Variants in RGS7 observed in about 807,000 individuals in gnomAD.
The protein encoded by RGS7 is regulator of G-protein signaling 7.
Under a neutral mutation model 81.1 loss-of-function variants are expected in RGS7, and 27 were observed. That is an observed-to-expected ratio of 0.33 (90% CI 0.25 to 0.46). The LOEUF (loss-of-function observed/expected upper bound fraction) is 0.46, where lower values mean the gene tolerates loss of function less well. Among genes scored for constraint, RGS7 ranks in the 20% least tolerant of loss-of-function variants. RGS7 has a pLI of 1.00. For missense variants in RGS7, 396 were observed against 607.4 expected (o/e 0.65, Z 3.66); for synonymous variants, 208 against 207.7 (o/e 1.00, Z -0.01).
At chr1:241,146,379 AAG>A (rs1393358327) in intron 2 of RGS7, among the ~76,000 whole-genome samples, 1 of 152,176 alleles carries the variant, frequency 6.6e-6, no homozygotes, top group Non-Finnish European at 1.5e-5. Flanking sequence ...CGTTTTATAT[AAG>A]AGACTTGAGC....
intron 3 of RGS7, among the ~76,000 whole-genome samples, chr1:240,995,552 T>C (rs1049404055): frequency 5.3e-5 from 8 of 152,108 alleles, no homozygotes; most frequent in African/African-American, 1.4e-4. Flanking sequence ...ACAGGGTGAG[T>C]TGTAATAGTC....
intron 6 of RGS7, chr1:240,920,219 A>C: frequency 8.6e-7 from 1 of 1,164,296 alleles, no homozygotes; most frequent in South Asian, 1.2e-5. Context: ...CTAGTGCTTC[A>C]TGCAGCCAAA....
chr1:241,353,769 AT>A (rs1350696153), intron 2 of RGS7, among the ~76,000 whole-genome samples: 3 of 152,168 alleles, frequency 2.0e-5, no homozygotes, highest in Non-Finnish European at 4.4e-5. Flanking sequence ...TCTTCCTGAA[AT>A]CATTACAGTC....
intron 2 of RGS7, among the ~76,000 whole-genome samples, chr1:241,265,551 C>A (rs559959932): frequency 6.6e-6 from 1 of 152,260 alleles, no homozygotes; most frequent in African/African-American, 2.4e-5. Flanking sequence ...CCAGGCAAGA[C>A]GGCTGGGGCT....
intron 9 of RGS7, among the ~76,000 whole-genome samples, chr1:240,832,927 C>G (rs111300229): frequency 1.3e-5 from 2 of 152,120 alleles, no homozygotes; most frequent in Admixed American, 1.3e-4. Flanking sequence ...TGCCCACCCC[C>G]ACAAAAGAGA....
At chr1:240,858,463 G>A in intron 9 of RGS7, among the ~76,000 whole-genome samples, 1 of 152,148 alleles carries the variant, frequency 6.6e-6, no homozygotes, top group East Asian at 1.9e-4. Flanking sequence ...TGCAATTGTT[G>A]TTTTAATTTA....
rs1427401495 is a variant in RGS7, at chr1:240,936,798, A to G, written c.227-92T>C. On this transcript the variant is annotated intron_variant, in intron 4 of 18. Coordinates refer to ENST00000440928, the MANE Select transcript of RGS7 (RefSeq NM_001364886.1). The stretch of plus-strand genomic sequence containing the variant: ...ACGTTTTTGTGTGGTTCCTTTTGTC[A>G]GATACAGTAAGTTCCTCTTGAAAGA... 6.7e-6 allele frequency: 6 copies of G among 900,052 alleles called. No individual in the cohort carries two copies. The Admixed American group carries it at 7.8e-5, about 12-fold the overall frequency. The allele number at this position is 900,052 out of a possible 1,614,324, so 55.8% of individuals were successfully genotyped here.
intron 18 of RGS7, among the ~76,000 whole-genome samples, chr1:240,790,829 C>A (rs934368549): frequency 6.6e-6 from 1 of 152,170 alleles, no homozygotes; most frequent in African/African-American, 2.4e-5. Context: ...AAAATTTTAT[C>A]ATTCCCCAGA....
chr1:240,944,662 T>C (rs1340667150), intron 4 of RGS7, among the ~76,000 whole-genome samples: 1 of 152,152 alleles, frequency 6.6e-6, no homozygotes, highest in East Asian at 1.9e-4. Context: ...CTGCAAGTCA[T>C]GGGGCTTAAA....
At chr1:241,036,938 T>C (rs979635599) in intron 3 of RGS7, among the ~76,000 whole-genome samples, 1 of 152,130 alleles carries the variant, frequency 6.6e-6, no homozygotes, top group African/African-American at 2.4e-5. Context: ...CATACTTAAG[T>C]TGAAAGGACC....
At chr1:240,790,729 C>T (rs1276685542) in intron 18 of RGS7, among the ~76,000 whole-genome samples, 1 of 152,200 alleles carries the variant, frequency 6.6e-6, no homozygotes, top group Non-Finnish European at 1.5e-5. Flanking sequence ...CCATTTGTCA[C>T]TGAGCCTACA....
intron 2 of RGS7, among the ~76,000 whole-genome samples, chr1:241,134,803 A>G (rs1265555225): frequency 6.6e-6 from 1 of 152,118 alleles, no homozygotes; most frequent in East Asian, 1.9e-4. Context: ...CGGGGCCTGA[A>G]AGCTTGAAGA....
chr1:241,171,937 G>A (rs2070764004), intron 2 of RGS7, among the ~76,000 whole-genome samples: 1 of 152,214 alleles, frequency 6.6e-6, no homozygotes, highest in Non-Finnish European at 1.5e-5. Context: ...TCAATGGGCT[G>A]TTTGATATTG....
At chr1:241,137,266 C>T (rs547860044) in intron 2 of RGS7, among the ~76,000 whole-genome samples, 8 of 151,832 alleles carry the variant, frequency 5.3e-5, no homozygotes, top group African/African-American at 1.9e-4. Flanking sequence ...TTTATGTTTC[C>T]CAGGTCTTTG....
At chr1:240,788,901 G>A (rs922935223) in intron 18 of RGS7, among the ~76,000 whole-genome samples, 1 of 152,142 alleles carries the variant, frequency 6.6e-6, no homozygotes, top group African/African-American at 2.4e-5. Context: ...ACTTTGGGAG[G>A]CCAAGGTGGG....
In RGS7 at chr1:241,271,033, A is replaced by G. The variant is rs2077868027; in HGVS notation, c.78+84666T>C. On this transcript the variant is annotated intron_variant, in intron 2 of 18. Coordinates refer to ENST00000440928, the MANE Select transcript of RGS7 (RefSeq NM_001364886.1). The surrounding 1 kb of genome is among the most constrained non-coding windows in gnomAD (Gnocchi z 4.6). ...CAGCCTCCCAAAGTGCTGGGATTCC[A>G]GGTCCCATCCCTTTTAATTTCTGCA... Among the ~76,000 whole-genome samples, 1 of 152,272 alleles carries G rather than the reference A, an allele frequency of 6.6e-6. No individual in the cohort carries two copies. Among genetic ancestry groups the G allele is most frequent in the East Asian group, 1.9e-4 (1 of 5,182 alleles).
At chr1:240,915,314 A>G (rs1385721362) in intron 6 of RGS7, among the ~76,000 whole-genome samples, 1 of 152,040 alleles carries the variant, frequency 6.6e-6, no homozygotes, top group Non-Finnish European at 1.5e-5. Context: ...CCCAAAACCC[A>G]AGGAGCACAT....
intron 6 of RGS7, among the ~76,000 whole-genome samples, chr1:240,913,016 G>C (rs1282697149): frequency 6.6e-6 from 1 of 152,178 alleles, no homozygotes; most frequent in African/African-American, 2.4e-5. Flanking sequence ...AATCTCAGCA[G>C]GCTCGCTTCA....
intron 15 of RGS7, among the ~76,000 whole-genome samples, chr1:240,804,990 T>A (rs1688609998): frequency 6.6e-6 from 1 of 152,244 alleles, no homozygotes; most frequent in South Asian, 2.1e-4. Context: ...GTGTGTTTTT[T>A]AAAAGGTACT....
Sources: gnomAD v4.1 joint callset for allele counts (sites outside exome capture counted in the v4.1 genomes callset) on GRCh38, gnomAD v4.1.1 for gene constraint, Gnocchi (gnomAD v3.1) non-coding constraint, MANE v1.5 for transcripts, NCBI Gene and HGNC (gene_info 2026-07-23, HGNC 2026-07-21) for gene names.